The following ELP4 variants were observed in gnomAD, a reference collection of about 807,000 sequenced individuals.
The protein encoded by ELP4 is elongator acetyltransferase complex subunit 4.
A neutral mutation model predicts 48.9 loss-of-function variants in ELP4; 51 were observed. The ratio of observed to expected loss-of-function variants is 1.04; its 90% CI spans 0.83 to 1.32. The LOEUF (loss-of-function observed/expected upper bound fraction) is 1.32. Among genes scored for constraint, ELP4 ranks in the 40% most tolerant of loss-of-function variants. The pLI is 0.00. For synonymous variants in ELP4, 210 were observed against 189.2 expected (o/e 1.11, Z -0.90); for missense variants, 519 against 514.6 (o/e 1.01, Z -0.08).
At position 31,603,786 on chromosome 11, in the gene ELP4, T is replaced by C; in HGVS notation, c.532T>C (p.Ser178Pro). The change falls in exon 5 of 10, where the codon TCA (serine) becomes CCA (proline). Residue 178 changes from serine to proline, a missense_variant. Coordinates refer to ENST00000640961, the MANE Select transcript of ELP4 (RefSeq NM_019040.5). ...TTAGCAGATTGGACCAGTATCATCT[T>C]CAAGATTTGGTCACTATTATGATGC... ...PKMEIGPVSS[S>P]RFGHYYDASK... The C allele has an allele frequency of 6.2e-7, 1 of 1,610,030 alleles. No homozygotes were observed. The highest frequency in any genetic ancestry group is 8.5e-7 in the Non-Finnish European group (1 of 1,177,410).
chr11:31,647,902 C>A, intron 8 of ELP4, 53 bp downstream of exon 8: 1 of 995,738 alleles, frequency 1.0e-6, no homozygotes. Flanking sequence ...TTCTAGGTTA[C>A]CTGGAAGCAT....
intron 3 of ELP4, among the ~76,000 whole-genome samples, chr11:31,555,040 C>T (rs957915724): frequency 2.0e-5 from 3 of 151,982 alleles, no homozygotes; most frequent in African/African-American, 7.2e-5. Context: ...AGATGAGTAC[C>T]GAAAGTAGTC....
At chr11:31,779,089 A>T (rs896140621) in intron 9 of ELP4, among the ~76,000 whole-genome samples, 2 of 152,170 alleles carry the variant, frequency 1.3e-5, no homozygotes, top group African/African-American at 4.8e-5. Context: ...GTTAATGCTT[A>T]TTTCTGTGAT....
At chr11:31,697,422 T>C (rs1946433267) in intron 9 of ELP4, among the ~76,000 whole-genome samples, 1 of 152,262 alleles carries the variant, frequency 6.6e-6, no homozygotes, top group South Asian at 2.1e-4. Context: ...CTTGGGTTTT[T>C]TTTGATACCA....
At position 31,509,786 on chromosome 11, in the gene ELP4, T is replaced by TGGCGGCAGTGGCAACC. The variant is rs750398311; in HGVS notation, c.3_18dup (p.Cys7_?6). The TGGCGGCAGTGGCAACC allele has an allele frequency of 1.2e-6, 2 of 1,614,008 alleles. No homozygotes were observed. Among genetic ancestry groups the TGGCGGCAGTGGCAACC allele is most frequent in the Non-Finnish European group, 1.7e-6 (2 of 1,179,998 alleles). On this transcript the variant is annotated frameshift_variant and start_lost, in exon 1 of 10. Transcript: ENST00000640961. LOFTEE classifies it high-confidence loss of function. Reference sequence around the variant, plus strand: ...TGGGTTAACACTGGAGGCTCTAAGATGGCGGCAGTGGCAACCTGCGGTAGT... The same window carrying TGGCGGCAGTGGCAACC: ...TGGGTTAACACTGGAGGCTCTAAGATGGCGGCAGTGGCAACCGGCGGCAGTGGCAACCTGCGGTAGT...
intron 9 of ELP4, among the ~76,000 whole-genome samples, chr11:31,741,677 C>T (rs944629100): frequency 2.6e-5 from 4 of 152,202 alleles, no homozygotes; most frequent in African/African-American, 9.7e-5. Context: ...AGACCTACAG[C>T]TGAGGGTCCT....
intron 2 of ELP4, among the ~76,000 whole-genome samples, chr11:31,526,161 G>C (rs1394473454): frequency 6.6e-6 from 1 of 152,026 alleles, no homozygotes; most frequent in Non-Finnish European, 1.5e-5. Flanking sequence ...TTATTTTATA[G>C]GTAATGAAAT....
intron 9 of ELP4, among the ~76,000 whole-genome samples, chr11:31,717,927 A>G (rs1327329386): frequency 1.3e-5 from 2 of 152,244 alleles, no homozygotes; most frequent in Non-Finnish European, 2.9e-5. Flanking sequence ...AACCGCATCC[A>G]TAGTTGACTC....
chr11:31,553,725 A>ACAC (rs1362894921), intron 3 of ELP4, among the ~76,000 whole-genome samples: 9 of 140,406 alleles, frequency 6.4e-5, no homozygotes, highest in Admixed American at 1.4e-4. Flanking sequence ...TGCACACACA[A>ACAC]ACACACACAC....
intron 3 of ELP4, among the ~76,000 whole-genome samples, chr11:31,573,210 A>T (rs1414424804): frequency 6.6e-6 from 1 of 152,212 alleles, no homozygotes; most frequent in Admixed American, 6.5e-5. Context: ...ATGTGCCTAC[A>T]TGCAGTCTGT....
intron 4 of ELP4, chr11:31,599,312 T>C (rs754940787): frequency 2.0e-5 from 3 of 152,160 alleles, no homozygotes; most frequent in Non-Finnish European, 2.9e-5. Flanking sequence ...ATTTAGAAAA[T>C]AGAACCACCT....
At chr11:31,715,994 G>A (rs1043961846) in intron 9 of ELP4, among the ~76,000 whole-genome samples, 6 of 152,132 alleles carry the variant, frequency 3.9e-5, no homozygotes, top group Non-Finnish European at 5.9e-5. Context: ...TTAGAGATAT[G>A]TATTAGTACA....
intron 9 of ELP4, among the ~76,000 whole-genome samples, chr11:31,704,996 C>T (rs1207272558): frequency 1.4e-5 from 2 of 147,520 alleles, no homozygotes; most frequent in Non-Finnish European, 1.5e-5. Flanking sequence ...GGGAACAGAG[C>T]GAGACTCCAT....
At chr11:31,656,905 G>A (rs894236644) in intron 9 of ELP4, among the ~76,000 whole-genome samples, 1 of 151,970 alleles carries the variant, frequency 6.6e-6, no homozygotes, top group East Asian at 1.9e-4. Flanking sequence ...TGCTGTAGCG[G>A]AATTAGTCCA....
chr11:31,593,017 G>A (rs767954328), intron 3 of ELP4, among the ~76,000 whole-genome samples: 2 of 151,930 alleles, frequency 1.3e-5, no homozygotes, highest in Non-Finnish European at 2.9e-5. Flanking sequence ...GGTGTCCCTG[G>A]GGTTGAAAAA....
At chr11:31,535,934 T>C (rs886658743) in intron 2 of ELP4, among the ~76,000 whole-genome samples, 1 of 152,188 alleles carries the variant, frequency 6.6e-6, no homozygotes, top group African/African-American at 2.4e-5. Context: ...CAGGCCTCTG[T>C]ATTAGCATGT....
chr11:31,556,091 C>T (rs932581249), intron 3 of ELP4, among the ~76,000 whole-genome samples: 1 of 151,768 alleles, frequency 6.6e-6, no homozygotes, highest in Non-Finnish European at 1.5e-5. Context: ...ATAAAAAGCC[C>T]ATCAGCTGCC....
chr11:31,643,093 T>C (rs1209387123), intron 7 of ELP4, among the ~76,000 whole-genome samples: 7 of 151,824 alleles, frequency 4.6e-5, no homozygotes, highest in Admixed American at 4.6e-4. Flanking sequence ...ATGACATACT[T>C]GCTTTTCTTG....
chr11:31,552,282 G>A (rs888539465), intron 3 of ELP4, among the ~76,000 whole-genome samples: 4 of 151,968 alleles, frequency 2.6e-5, no homozygotes, highest in Non-Finnish European at 4.4e-5. Context: ...CTGTTCTCTC[G>A]CTGATCACGT....
Sources: gnomAD v4.1 joint callset for allele counts (sites outside exome capture counted in the v4.1 genomes callset) on GRCh38, gnomAD v4.1.1 for gene constraint, MANE v1.5 for transcripts, NCBI Gene and HGNC (gene_info 2026-07-23, HGNC 2026-07-21) for gene names.